RNF121: variants seen among roughly 807,000 people sequenced by gnomAD.
RNF121 encodes the protein ring finger protein 121.
In RNF121, 21 loss-of-function variants were observed where a neutral mutation model predicts 46.5. The ratio of observed to expected loss-of-function variants is 0.45; its 90% CI spans 0.32 to 0.65. The LOEUF is 0.65. Ranked by LOEUF, RNF121 falls within the 30% of genes least tolerant of loss-of-function variation. RNF121 has a pLI of 0.04. For synonymous variants in RNF121, 139 were observed against 144.7 expected, an observed-to-expected ratio of 0.96 and a Z score of 0.28; for missense variants, 346 against 416.0, an observed-to-expected ratio of 0.83 and a Z score of 1.46.
At chr11:71,968,041 T>C (rs1038807624) in intron 3 of RNF121, among the ~76,000 whole-genome samples, 1 of 148,882 alleles carries the variant, frequency 6.7e-6, no homozygotes, top group Non-Finnish European at 1.5e-5. Context: ...GGTAGAAAAA[T>C]TTTTATAGAT....
chr11:71,933,929 C>T (rs995380465), intron 1 of RNF121, among the ~76,000 whole-genome samples: 2 of 152,254 alleles, frequency 1.3e-5, no homozygotes, highest in African/African-American at 4.8e-5. Flanking sequence ...ATGTTTACGA[C>T]ATCCCCGTGA....
intron 1 of RNF121, among the ~76,000 whole-genome samples, chr11:71,954,680 C>T (rs532607384): frequency 6.6e-6 from 1 of 152,288 alleles, no homozygotes; most frequent in South Asian, 2.1e-4. Flanking sequence ...AAGAGAGGCA[C>T]CTTCATGCCT....
Position 71,960,817 on chromosome 11 carries a change from A to T in RNF121, c.169A>T (p.Ile57Phe), listed in dbSNP as rs764557251. ...HEAMHAEMVL[I>F]LIATLVVAQL... ...AGCTATGCATGCTGAAATGGTCCTC[A>T]TCCTCATCGCAACCTTGGTGGTGGC... The change falls in exon 3 of 9, where the codon ATC (isoleucine) becomes TTC (phenylalanine). Residue 57 changes from isoleucine to phenylalanine, a missense_variant. Ile to Phe is a conservative substitution (Grantham distance 21). Transcript: ENST00000361756. The T allele has an allele frequency of 6.2e-7, 1 of 1,614,164 alleles. No individual in the cohort carries two copies.
At chr11:71,975,536 C>T (rs990883741) in intron 3 of RNF121, among the ~76,000 whole-genome samples, 1 of 152,192 alleles carries the variant, frequency 6.6e-6, no homozygotes, top group Non-Finnish European at 1.5e-5. Context: ...GAGTGCCTCT[C>T]CTCTGTATTT....
chr11:71,967,192 A>C (rs1205658851), intron 3 of RNF121, among the ~76,000 whole-genome samples: 3 of 151,092 alleles, frequency 2.0e-5, no homozygotes, highest in African/African-American at 7.3e-5. Flanking sequence ...TTTTTAAATA[A>C]CATGTTTATA....
chr11:71,956,243 G>C (rs1225112422), intron 1 of RNF121, among the ~76,000 whole-genome samples: 1 of 152,152 alleles, frequency 6.6e-6, no homozygotes, highest in East Asian at 1.9e-4. Context: ...TCTCTCTTCT[G>C]TAGATCAGAT....
intron 1 of RNF121, among the ~76,000 whole-genome samples, chr11:71,955,027 T>C (rs897330497): frequency 1.2e-4 from 19 of 152,206 alleles, no homozygotes; most frequent in African/African-American, 4.3e-4. Context: ...GTCTTGGCTC[T>C]GAGGGAACTA....
Position 71,996,317 on chromosome 11 carries a change from G to A in RNF121, c.*2G>A. The A allele has an allele frequency of 6.2e-7, 1 of 1,614,006 alleles. No individual in the cohort carries two copies. Among genetic ancestry groups the A allele is most frequent in the South Asian group, 1.1e-5 (1 of 91,076 alleles). On this transcript the variant is annotated 3_prime_UTR_variant, in exon 9 of 9. Coordinates refer to ENST00000361756, the MANE Select transcript of RNF121 (RefSeq NM_018320.5). The stretch of plus-strand genomic sequence containing the variant: ...AACTACATCCTGGGCCTGGAATAGT[G>A]ATGAAGAGCATCAGTGGAAAACCCA...
At chr11:71,960,973 A>G in intron 3 of RNF121, 82 bp downstream of exon 3, 1 of 1,477,998 alleles carries the variant, frequency 6.8e-7, no homozygotes. Context: ...AGCCTAACCC[A>G]GGCCACATGG....
chr11:71,954,595 C>T (rs1953950065), intron 1 of RNF121, among the ~76,000 whole-genome samples: 1 of 152,166 alleles, frequency 6.6e-6, no homozygotes, highest in Admixed American at 6.6e-5. Context: ...ATAATGAAGT[C>T]AGAAGTCTTA....
chr11:71,938,035 G>A (rs1953462414), intron 1 of RNF121, among the ~76,000 whole-genome samples: 1 of 152,148 alleles, frequency 6.6e-6, no homozygotes, highest in African/African-American at 2.4e-5. Context: ...GAGAGACTGG[G>A]GAAAGAGGAA....
chr11:71,990,918 T>C, intron 6 of RNF121: 1 of 614,526 alleles, frequency 1.6e-6, no homozygotes, highest in Non-Finnish European at 2.7e-6. Context: ...CCATGTGCGT[T>C]GCAGCAACAT....
At position 71,968,888 on chromosome 11, in the gene RNF121, C is replaced by CTTTTTT. The variant is rs10686485; in HGVS notation, c.243+8007_243+8012dup. Among the ~76,000 whole-genome samples the CTTTTTT allele has an allele frequency of 2.2e-4, 30 of 134,610 alleles. 1 individual carries two copies. Among genetic ancestry groups the CTTTTTT allele is most frequent in the East Asian group, 6.5e-4 (3 of 4,650 alleles). 88.3% of individuals were successfully genotyped at this position (134,610 alleles called of 152,430 possible). A position where few individuals can be genotyped will look rare whatever the true frequency, so the allele number is the denominator to read the frequency against. On this transcript the variant is annotated intron_variant, in intron 3 of 8. Coordinates refer to ENST00000361756, the MANE Select transcript of RNF121 (RefSeq NM_018320.5). ...TAGGATTTTTCTTTTTTCTTTCTTTCTTTTTTTTTTTTTTTGAGTCAGGCT... is the reference window on the plus strand; with the variant it reads ...TAGGATTTTTCTTTTTTCTTTCTTTCTTTTTTTTTTTTTTTTTTTTTGAGTCAGGCT...
At chr11:71,962,709 C>G (rs1393105825) in intron 3 of RNF121, among the ~76,000 whole-genome samples, 2 of 152,152 alleles carry the variant, frequency 1.3e-5, no homozygotes, top group Non-Finnish European at 2.9e-5. Context: ...GAAAAGAAAT[C>G]TACCTAGGAG....
intron 1 of RNF121, among the ~76,000 whole-genome samples, chr11:71,934,252 C>T (rs1953348410): frequency 1.3e-5 from 2 of 152,314 alleles, no homozygotes; most frequent in East Asian, 1.9e-4. Flanking sequence ...TTTGGTGTGC[C>T]TGATAATACC....
intron 3 of RNF121, among the ~76,000 whole-genome samples, chr11:71,967,423 C>G (rs1335120338): frequency 7.3e-6 from 1 of 137,624 alleles, no homozygotes. Flanking sequence ...GGTCTCGGCT[C>G]ACTGCAATCT....
intron 3 of RNF121, among the ~76,000 whole-genome samples, chr11:71,964,227 C>T (rs2134181475): frequency 6.6e-6 from 1 of 152,190 alleles, no homozygotes; most frequent in South Asian, 2.1e-4. Context: ...CTTGCACCTC[C>T]TTTGTTAAAC....
chr11:71,932,717 A>T (rs1291062597), intron 1 of RNF121, among the ~76,000 whole-genome samples: 2 of 152,172 alleles, frequency 1.3e-5, no homozygotes, highest in African/African-American at 4.8e-5. Context: ...CAGATTCCAG[A>T]GTGTTTGTTT....
chr11:71,961,944 T>C (rs957962675), intron 3 of RNF121, among the ~76,000 whole-genome samples: 1 of 150,424 alleles, frequency 6.6e-6, no homozygotes, highest in South Asian at 2.1e-4. Context: ...TTTAATTATA[T>C]AATTTTGGCT....
Sources: gnomAD v4.1 joint callset for allele counts (sites outside exome capture counted in the v4.1 genomes callset) on GRCh38, gnomAD v4.1.1 for gene constraint, MANE v1.5 for transcripts, NCBI Gene and HGNC (gene_info 2026-07-23, HGNC 2026-07-21) for gene names.